The following NCAM2 variants were observed in gnomAD, a reference collection of about 807,000 sequenced individuals.
The protein encoded by NCAM2 is N-CAM-2.
In NCAM2, 30 loss-of-function variants were observed where a neutral mutation model predicts 98.1. The ratio of observed to expected loss-of-function variants is 0.31; its 90% CI spans 0.23 to 0.41. The LOEUF is 0.41. NCAM2 is among the 10% of genes least tolerant of loss of function. The pLI is 1.00. For synonymous variants in NCAM2, 368 were observed against 342.4 expected (o/e 1.07, Z -0.83); for missense variants, 867 against 1,005.8 (o/e 0.86, Z 1.87).
At chr21:21,222,732 T>C (rs1470891836) in intron 1 of NCAM2, among the ~76,000 whole-genome samples, 1 of 152,144 alleles carries the variant, frequency 6.6e-6, no homozygotes, top group East Asian at 1.9e-4. Flanking sequence ...GCTATGAACA[T>C]TGTTGAAATG....
intron 9 of NCAM2, among the ~76,000 whole-genome samples, chr21:21,376,776 CT>C (rs2076042003): frequency 6.6e-6 from 1 of 151,646 alleles, no homozygotes; most frequent in African/African-American, 2.4e-5. Flanking sequence ...TATGTTTCTG[CT>C]TAATTATTCC....
intron 1 of NCAM2, among the ~76,000 whole-genome samples, chr21:21,020,871 C>G (rs2064419578): frequency 6.6e-6 from 1 of 152,138 alleles, no homozygotes; most frequent in South Asian, 2.1e-4. Flanking sequence ...GTAGACTTCC[C>G]TATCTTTATA....
chr21:21,132,771 C>A (rs553702899), intron 1 of NCAM2, among the ~76,000 whole-genome samples: 36 of 151,732 alleles, frequency 2.4e-4, no homozygotes, highest in Admixed American at 5.9e-4. Flanking sequence ...CCAAGAGAGA[C>A]AAGAACATAA....
At chr21:21,353,511 A>G (rs977540926) in intron 8 of NCAM2, among the ~76,000 whole-genome samples, 5 of 152,190 alleles carry the variant, frequency 3.3e-5, no homozygotes, top group African/African-American at 1.2e-4. Context: ...CGCCATCCAT[A>G]CAGGCGAGTG....
chr21:21,275,858 T>G (rs997079322), intron 1 of NCAM2, among the ~76,000 whole-genome samples: 1 of 152,282 alleles, frequency 6.6e-6, no homozygotes, highest in East Asian at 1.9e-4. Context: ...AAATGCCAAT[T>G]TTATCATGTA....
At chr21:21,236,430 A>G (rs1473388905) in intron 1 of NCAM2, among the ~76,000 whole-genome samples, 1 of 151,998 alleles carries the variant, frequency 6.6e-6, no homozygotes, top group Non-Finnish European at 1.5e-5. Flanking sequence ...CTGTTTTATA[A>G]CTATCAGTTT....
intron 9 of NCAM2, among the ~76,000 whole-genome samples, chr21:21,387,583 A>C (rs2145811099): frequency 6.6e-6 from 1 of 152,322 alleles, no homozygotes; most frequent in South Asian, 2.1e-4. Flanking sequence ...CACACTGTTC[A>C]TATGGATCTA....
intron 1 of NCAM2, among the ~76,000 whole-genome samples, chr21:21,004,294 C>T (rs983757932): frequency 2.6e-5 from 4 of 152,178 alleles, no homozygotes; most frequent in Non-Finnish European, 1.5e-5. Flanking sequence ...ACAGTACCGA[C>T]CACTTGTGCG....
At chr21:21,529,108 G>T (rs1023402391) in intron 16 of NCAM2, among the ~76,000 whole-genome samples, 18 of 152,040 alleles carry the variant, frequency 1.2e-4, no homozygotes. Flanking sequence ...GGTCTTATTG[G>T]ATGTTCAGTC....
intron 1 of NCAM2, among the ~76,000 whole-genome samples, chr21:21,240,395 G>T: frequency 6.7e-6 from 1 of 148,736 alleles, no homozygotes; most frequent in South Asian, 2.1e-4. Context: ...AGCAAAAAAA[G>T]CTACAATTTT....
chr21:21,308,190 A>G (rs1051728088), intron 5 of NCAM2, among the ~76,000 whole-genome samples: 2 of 152,130 alleles, frequency 1.3e-5, no homozygotes, highest in Non-Finnish European at 2.9e-5. Flanking sequence ...TTTTATATTT[A>G]TCTACATAGT....
At position 21,131,931 on chromosome 21, in the gene NCAM2, CAA is replaced by C. The variant is rs575716154; in HGVS notation, c.55+133315_55+133316del. ...GCTTAATTTCCTATTGATATTGTAACAAATTGTCACAAAGCTTAAAAACCACA... is the reference window on the plus strand; with the variant it reads ...GCTTAATTTCCTATTGATATTGTAACATTGTCACAAAGCTTAAAAACCACA... On this transcript the variant is annotated intron_variant, in intron 1 of 17. Coordinates refer to ENST00000400546, the MANE Select transcript of NCAM2 (RefSeq NM_004540.5). 2.1e-3 allele frequency among the ~76,000 whole-genome samples: 319 copies of C among 152,194 alleles called. 3 individuals carry two copies. Among genetic ancestry groups the C allele is most frequent in the Middle Eastern group, 0.014 (4 of 294 alleles).
intron 9 of NCAM2, among the ~76,000 whole-genome samples, chr21:21,397,671 C>T (rs562863010): frequency 2.0e-5 from 3 of 152,202 alleles, no homozygotes; most frequent in Non-Finnish European, 4.4e-5. Flanking sequence ...GAGAGCAGAG[C>T]GCGACTGTGC....
At chr21:21,152,827 G>A (rs1371156965) in intron 1 of NCAM2, among the ~76,000 whole-genome samples, 2 of 151,936 alleles carry the variant, frequency 1.3e-5, no homozygotes, top group African/African-American at 2.4e-5. Context: ...GACTCAATGG[G>A]ACACTTATGC....
intron 5 of NCAM2, among the ~76,000 whole-genome samples, chr21:21,313,376 T>A (rs1229245630): frequency 6.6e-6 from 1 of 151,960 alleles, no homozygotes; most frequent in Non-Finnish European, 1.5e-5. Flanking sequence ...TTGAAGCACT[T>A]TTTCAAGTTG....
chr21:21,277,334 T>C (rs536354313), intron 1 of NCAM2, among the ~76,000 whole-genome samples: 28 of 152,254 alleles, frequency 1.8e-4, no homozygotes, highest in Middle Eastern at 3.4e-3. Context: ...GAGAACCAAA[T>C]AGAATGATCA....
chr21:21,107,401 A>G (rs1441530666), intron 1 of NCAM2, among the ~76,000 whole-genome samples: 3 of 152,114 alleles, frequency 2.0e-5, no homozygotes, highest in Non-Finnish European at 2.9e-5. Flanking sequence ...TGCAAGGTTA[A>G]TAGACATAGT....
intron 5 of NCAM2, among the ~76,000 whole-genome samples, chr21:21,305,318 A>AAAT (rs993750914): frequency 9.9e-5 from 15 of 151,956 alleles, no homozygotes; most frequent in Non-Finnish European, 1.5e-4. Flanking sequence ...ACTTTGTCTC[A>AAAT]AATAATAATA....
At chr21:21,283,016 AT>A (rs1368106200) in intron 2 of NCAM2, among the ~76,000 whole-genome samples, 1 of 151,914 alleles carries the variant, frequency 6.6e-6, no homozygotes, top group Non-Finnish European at 1.5e-5. Context: ...TGTTTAAATT[AT>A]TTTTTGTGAC....
Sources: allele counts gnomAD v4.1 joint callset (sites outside exome capture counted in the v4.1 genomes callset), GRCh38; gene constraint gnomAD v4.1.1; transcripts MANE v1.5; gene names NCBI Gene and HGNC (gene_info 2026-07-23, HGNC 2026-07-21).